Variants in EPHA5 observed in about 807,000 individuals in gnomAD.
EPHA5 encodes the protein ephrin type-A receptor 5.
Under a neutral mutation model 105.0 loss-of-function variants are expected in EPHA5, and 60 were observed. The observed-to-expected ratio is 0.57, with a 90% CI of 0.46 to 0.71. The LOEUF (loss-of-function observed/expected upper bound fraction) is 0.71, where lower values mean the gene tolerates loss of function less well. EPHA5 is among the 30% of genes least tolerant of loss of function. The pLI, the probability that EPHA5 is intolerant of heterozygous loss-of-function variation, is 0.00. For synonymous variants in EPHA5, 513 were observed against 449.1 expected (o/e 1.14, Z -1.80); for missense variants, 1,218 against 1,274.7 (o/e 0.96, Z 0.68).
At chr4:65,516,318 G>A (rs1222525767) in intron 3 of EPHA5, among the ~76,000 whole-genome samples, 1 of 152,136 alleles carries the variant, frequency 6.6e-6, no homozygotes, top group Non-Finnish European at 1.5e-5. Flanking sequence ...AAATGAAAAT[G>A]TTATTAAAAT....
chr4:65,418,557 G>C (rs1280932838), intron 6 of EPHA5, among the ~76,000 whole-genome samples: 3 of 152,038 alleles, frequency 2.0e-5, no homozygotes, highest in Non-Finnish European at 4.4e-5. Flanking sequence ...TGAAGTATGT[G>C]TCATCATTTA....
chr4:65,636,365 C>T (rs1025891413), intron 2 of EPHA5, among the ~76,000 whole-genome samples: 6 of 152,116 alleles, frequency 3.9e-5, no homozygotes, highest in Admixed American at 2.6e-4. Context: ...GGGTACCCGC[C>T]AGAACCTGGT....
intron 2 of EPHA5, among the ~76,000 whole-genome samples, chr4:65,612,035 AAAAAGG>A (rs1337980471): frequency 1.7e-4 from 22 of 131,050 alleles, no homozygotes; most frequent in Non-Finnish European, 3.3e-4. Context: ...AAAAAAAAAA[AAAAAGG>A]AAAGAAAAGA....
chr4:65,547,399 G>C (rs578092492), intron 3 of EPHA5, among the ~76,000 whole-genome samples: 5 of 151,658 alleles, frequency 3.3e-5, no homozygotes, highest in Non-Finnish European at 7.4e-5. Flanking sequence ...ATGAGATAAG[G>C]AAGCTGTTTT....
rs371026045 is a variant in EPHA5, at chr4:65,414,264, C to G, written c.1687+20G>C. 6.2e-7 allele frequency: 1 copy of G among 1,611,100 alleles called. No homozygotes were observed. The highest frequency in any genetic ancestry group is 8.5e-7 in the Non-Finnish European group (1 of 1,177,498). On this transcript the variant is annotated intron_variant, in intron 7 of 16. Transcript: ENST00000613740. ...TAACCATTACTGAGACATGAGCTGA[C>G]AGTAATTAAAATGACTTACACACTG...
At chr4:65,339,469 A>G (rs1449274794) in intron 14 of EPHA5, among the ~76,000 whole-genome samples, 1 of 152,156 alleles carries the variant, frequency 6.6e-6, no homozygotes, top group East Asian at 1.9e-4. Context: ...TTTCAGTGAA[A>G]CAAAGTATAA....
intron 2 of EPHA5, among the ~76,000 whole-genome samples, chr4:65,603,488 C>A (rs1388580569): frequency 6.6e-6 from 1 of 151,944 alleles, no homozygotes; most frequent in African/African-American, 2.4e-5. Context: ...AAAAAAACTT[C>A]ATAGACACTC....
chr4:65,644,236 A>G (rs540899256), intron 1 of EPHA5, among the ~76,000 whole-genome samples: 2 of 152,028 alleles, frequency 1.3e-5, no homozygotes, highest in African/African-American at 4.8e-5. Flanking sequence ...GCACACACAT[A>G]CACACTCATA....
intron 5 of EPHA5, among the ~76,000 whole-genome samples, chr4:65,454,608 A>G (rs1727393705): frequency 6.6e-6 from 1 of 152,188 alleles, no homozygotes; most frequent in African/African-American, 2.4e-5. Context: ...TTGCATCCTG[A>G]CACTTAGAGT....
intron 3 of EPHA5, among the ~76,000 whole-genome samples, chr4:65,529,558 G>A (rs1735569286): frequency 6.6e-6 from 1 of 151,974 alleles, no homozygotes; most frequent in East Asian, 1.9e-4. Context: ...CAGAAAGACG[G>A]TAAAAACCCC....
Position 65,332,169 on chromosome 4 carries a change from A to G in EPHA5, c.2790-41T>C, listed in dbSNP as rs754213201. The G allele has an allele frequency of 3.4e-6, 5 of 1,473,918 alleles. No individual in the cohort carries two copies. The South Asian group carries it at 4.0e-5, about 12-fold the overall frequency. The allele number at this position is 1,473,918 out of a possible 1,614,324, so 91.3% of individuals were successfully genotyped here. On this transcript the variant is annotated intron_variant, in intron 15 of 16. Transcript: ENST00000613740. Reference sequence around the variant, plus strand: ...CATAAATATTAAAAGTTACAATTTAATTCTTTTATAACAAAGTTTACTATA... The same window carrying G: ...CATAAATATTAAAAGTTACAATTTAGTTCTTTTATAACAAAGTTTACTATA...
chr4:65,461,764 C>T (rs11938411), intron 5 of EPHA5, among the ~76,000 whole-genome samples: 8,440 of 151,874 alleles, frequency 0.056, 785 homozygotes, highest in African/African-American at 0.19. Context: ...AAATGGGGCA[C>T]ATTTGAAACC....
intron 7 of EPHA5, among the ~76,000 whole-genome samples, chr4:65,408,861 A>T (rs1384976698): frequency 6.6e-6 from 1 of 151,968 alleles, no homozygotes; most frequent in Non-Finnish European, 1.5e-5. Context: ...AAGGACTATA[A>T]ATCATGCTGC....
intron 4 of EPHA5, among the ~76,000 whole-genome samples, chr4:65,492,053 A>G (rs1323271827): frequency 6.6e-6 from 1 of 152,168 alleles, no homozygotes; most frequent in Non-Finnish European, 1.5e-5. Flanking sequence ...GCTACTTAGG[A>G]TGATCTGTTA....
rs574764302 is a variant in EPHA5, at chr4:65,454,984, G to A, written c.1403-34419C>T. The stretch of plus-strand genomic sequence containing the variant: ...ATTTCTGCTTGGCACGGTGGCTCAC[G>A]CCTGTAATCCCAGCACTTTGGGAGG... On this transcript the variant is annotated intron_variant, in intron 5 of 16. Transcript: ENST00000613740. Among the ~76,000 whole-genome samples, 36 of 152,140 alleles carry A rather than the reference G, an allele frequency of 2.4e-4. No homozygotes were observed. In the East Asian group the frequency reaches 6.4e-3, roughly 27 times the overall value.
chr4:65,420,620 C>T (rs2149037790), intron 5 of EPHA5, 55 bp from the exon 6 acceptor site: 2 of 1,550,820 alleles, frequency 1.3e-6, no homozygotes, highest in Admixed American at 1.9e-5. Flanking sequence ...TAAAAGTAAA[C>T]CTGTTATGTT....
At position 65,352,938 on chromosome 4, in the gene EPHA5, A is replaced by G. The variant is rs186536491; in HGVS notation, c.2235+104T>C. On this transcript the variant is annotated intron_variant, in intron 12 of 16. Coordinates refer to ENST00000613740, the MANE Select transcript of EPHA5 (RefSeq NM_001281766.3). Reference sequence around the variant, plus strand: ...CTGTTCTATTAAAAACTTAAGCTTTAAAGTGGCCCAAATTCAACTTCAACA... The same window carrying G: ...CTGTTCTATTAAAAACTTAAGCTTTGAAGTGGCCCAAATTCAACTTCAACA... The G allele has an allele frequency of 4.6e-5, 29 of 637,100 alleles. No individual in the cohort carries two copies. The East Asian group carries it at 1.1e-3, about 24-fold the overall frequency. The allele number at this position is 637,100 out of a possible 1,614,324, so 39.5% of individuals were successfully genotyped here.
intron 8 of EPHA5, among the ~76,000 whole-genome samples, chr4:65,396,411 T>C (rs1244920221): frequency 1.3e-5 from 2 of 151,660 alleles, no homozygotes; most frequent in Non-Finnish European, 1.5e-5. Flanking sequence ...ACGTTACTTT[T>C]GAATCAGACC....
intron 13 of EPHA5, 106 bp downstream of exon 13, chr4:65,351,282 TC>T (rs1169905720): frequency 9.6e-7 from 1 of 1,044,650 alleles, no homozygotes; most frequent in Non-Finnish European, 1.4e-6. Context: ...TCTCTCTCTT[TC>T]TTTTTGACTT....
Sources: gnomAD v4.1 joint callset for allele counts (sites outside exome capture counted in the v4.1 genomes callset) on GRCh38, gnomAD v4.1.1 for gene constraint, MANE v1.5 for transcripts, NCBI Gene and HGNC (gene_info 2026-07-23, HGNC 2026-07-21) for gene names.